CDV3: variants seen among roughly 807,000 people sequenced by gnomAD.
The protein encoded by CDV3 is CDV3 homolog.
In CDV3, 14 loss-of-function variants were observed where a neutral mutation model predicts 24.5. The observed-to-expected ratio is 0.57, with a 90% CI of 0.38 to 0.89. CDV3 has a LOEUF of 0.89. CDV3 is among the 40% of genes least tolerant of loss of function. CDV3 has a pLI of 0.00. For missense variants in CDV3, 304 were observed against 310.2 expected (o/e 0.98, Z 0.15); for synonymous variants, 114 against 114.1 (o/e 1.00, Z 0.00).
chr3:133,576,041 C>G (rs990915372), intron 2 of CDV3, among the ~76,000 whole-genome samples: 1 of 152,224 alleles, frequency 6.6e-6, no homozygotes, highest in Admixed American at 6.5e-5. Flanking sequence ...CTTTCCTTAA[C>G]TGAAAACTGT....
Position 133,586,723 on chromosome 3 carries a change from G to A in CDV3, c.626+1G>A. Reference sequence around the variant, plus strand: ...CTGCCAAGCATGTAGAAAGCCGGAAGTAAGTACTATAATTAATTGCATTTT... The same window carrying A: ...CTGCCAAGCATGTAGAAAGCCGGAAATAAGTACTATAATTAATTGCATTTT... On this transcript the variant is annotated splice_donor_variant, in intron 4 of 4. Transcript: ENST00000264993. LOFTEE classifies it high-confidence loss of function. 1 of 1,570,146 alleles carries A rather than the reference G, an allele frequency of 6.4e-7. No homozygotes were observed. Among genetic ancestry groups the A allele is most frequent in the Admixed American group, 1.7e-5 (1 of 59,866 alleles).
intron 2 of CDV3, among the ~76,000 whole-genome samples, chr3:133,579,624 C>T (rs1454379511): frequency 1.3e-5 from 2 of 150,368 alleles, no homozygotes; most frequent in African/African-American, 4.9e-5. Flanking sequence ...AGAGTTTTTG[C>T]TTTTGTTACC....
intron 1 of CDV3, chr3:133,574,490 C>G (rs2074725127): frequency 3.0e-6 from 3 of 986,314 alleles, no homozygotes; most frequent in Non-Finnish European, 3.6e-6. Flanking sequence ...AGCCGCCCTT[C>G]CCACCCCGCG....
intron 2 of CDV3, among the ~76,000 whole-genome samples, chr3:133,577,370 T>G (rs1224081758): frequency 6.6e-6 from 1 of 151,894 alleles, no homozygotes; most frequent in African/African-American, 2.4e-5. Context: ...TTTTCTTTTT[T>G]TTTTTTTGAG....
chr3:133,582,053 G>A (rs986070247), intron 2 of CDV3, among the ~76,000 whole-genome samples: 7 of 152,070 alleles, frequency 4.6e-5, no homozygotes, highest in African/African-American at 7.2e-5. Flanking sequence ...AAATGTAGAC[G>A]AGATAAATCT....
Position 133,574,059 on chromosome 3 carries a change from G to A in CDV3, c.15G>A (p.Glu5=). The A allele has an allele frequency of 1.6e-6, 2 of 1,219,308 alleles. No individual in the cohort carries two copies. The highest frequency in any genetic ancestry group is 1.6e-5 in the South Asian group (1 of 61,912). 75.5% of individuals were successfully genotyped at this position (1,219,308 alleles called of 1,614,324 possible). A position where few individuals can be genotyped will look rare whatever the true frequency, so the allele number is the denominator to read the frequency against. ...AGGCCGAGGCCATGGCTGAGACGGA[G>A]GAGCGGAGCCTGGACAACTTCTTTG... MAET[E]ERSLDNFFAK... is the part of the protein sequence containing the mutation. Residue 5 remains glutamate (E), a synonymous_variant, in exon 1 of 5, where the codon GAG becomes GAA. Transcript: ENST00000264993.
Position 133,574,182 on chromosome 3 carries a change from T to G in CDV3, c.138T>G (p.Gly46=), listed in dbSNP as rs938444338. ...GSAGGSSGAA[G]AAGGGAGAGT... ...CCGGCGGAAGCAGTGGAGCCGCGGG[T>G]GCGGCGGGCGGCGGGGCGGGCGCGG... The change falls in exon 1 of 5, where the codon GGT becomes GGG. Residue 46 remains glycine (G), a synonymous_variant. Coordinates refer to ENST00000264993, the MANE Select transcript of CDV3 (RefSeq NM_017548.5). 2 of 1,035,408 alleles carry G rather than the reference T, an allele frequency of 1.9e-6. No homozygotes were observed. The highest frequency in any genetic ancestry group is 2.3e-6 in the Non-Finnish European group (2 of 866,438). 64.1% of individuals were successfully genotyped at this position (1,035,408 alleles called of 1,614,324 possible).
chr3:133,575,898 T>C (rs1325360176), intron 2 of CDV3, among the ~76,000 whole-genome samples: 3 of 152,188 alleles, frequency 2.0e-5, no homozygotes, highest in South Asian at 2.1e-4. Context: ...AATGAAGATA[T>C]GGTTCTGCTG....
chr3:133,574,540 CG>C (rs1313744734), intron 1 of CDV3: 3 of 985,996 alleles, frequency 3.0e-6, no homozygotes, highest in Admixed American at 1.2e-4. Flanking sequence ...CGCCACCCTC[CG>C]GGGGCACTAG....
Position 133,573,767 on chromosome 3 carries a change from A to C in CDV3, c.-278A>C, listed in dbSNP as rs2074696264. 2 of 152,364 alleles carry C rather than the reference A, an allele frequency of 1.3e-5. No homozygotes were observed. The highest frequency in any genetic ancestry group is 1.3e-4 in the Admixed American group (2 of 15,282). 9.4% of individuals were successfully genotyped at this position (152,364 alleles called of 1,614,324 possible). On this transcript the variant is annotated 5_prime_UTR_variant, in exon 1 of 5. Transcript: ENST00000264993. Reference sequence around the variant, plus strand: ...TGCCTTTTCCCCTCAGGTTGTGGGGAGAGCGGAATCCTGCTCCGCCGTCGC... The same window carrying C: ...TGCCTTTTCCCCTCAGGTTGTGGGGCGAGCGGAATCCTGCTCCGCCGTCGC...
In CDV3 at chr3:133,576,830, A is replaced by C. The variant is rs533784699; in HGVS notation, c.317+1715A>C. ...AGCATTTAAGTTCTGTTCAACCTGA[A>C]GGTAGACTAGCTTTTTTTTTTTTTT... On this transcript the variant is annotated intron_variant, in intron 2 of 4. Coordinates refer to ENST00000264993, the MANE Select transcript of CDV3 (RefSeq NM_017548.5). 1.2e-4 allele frequency among the ~76,000 whole-genome samples: 10 copies of C among 83,266 alleles called. No homozygotes were observed. In the Admixed American group the frequency reaches 1.2e-3, roughly 10 times the overall value. The allele number at this position is 83,266 out of a possible 152,430, so 54.6% of individuals were successfully genotyped here.
chr3:133,573,973 A>G lies in CDV3; in HGVS notation c.-72A>G, dbSNP rs2107683991. ...CAGCGTGAGCGCAGAGCCGGCCTCG[A>G]CCCCGAGCTCGGAGCCCCGCGGGCC... On this transcript the variant is annotated 5_prime_UTR_variant, in exon 1 of 5. Coordinates refer to ENST00000264993, the MANE Select transcript of CDV3 (RefSeq NM_017548.5). 2.0e-6 allele frequency: 2 copies of G among 1,002,012 alleles called. No individual in the cohort carries two copies. Among genetic ancestry groups the G allele is most frequent in the East Asian group, 2.0e-4 (2 of 9,892 alleles). 62.1% of individuals were successfully genotyped at this position (1,002,012 alleles called of 1,614,324 possible).
chr3:133,583,880 G>A (rs1054252928), intron 2 of CDV3, 122 bp from the exon 3 acceptor site: 11 of 689,158 alleles, frequency 1.6e-5, no homozygotes, highest in Admixed American at 3.0e-5. Context: ...TAAATAAGAC[G>A]TTCAGTCTCG....
intron 3 of CDV3, 133 bp downstream of exon 3, chr3:133,584,283 A>G (rs1576654019): frequency 1.6e-6 from 1 of 630,762 alleles, no homozygotes; most frequent in Admixed American, 3.0e-5. Flanking sequence ...GTAGAGTGGG[A>G]TGTGTATATA....
rs141605626 is a variant in CDV3, at chr3:133,580,255, A to G, written c.318-3747A>G. 7.5e-4 allele frequency among the ~76,000 whole-genome samples: 114 copies of G among 152,262 alleles called. 1 individual carries two copies. The highest frequency in any genetic ancestry group is 2.7e-3 in the African/African-American group (113 of 41,564). On this transcript the variant is annotated intron_variant, in intron 2 of 4. Coordinates refer to ENST00000264993, the MANE Select transcript of CDV3 (RefSeq NM_017548.5). Reference sequence around the variant, plus strand: ...CTGTCCTTGTGATATTTTGCTGAGAATGATGGTTTCCAGCTTTATCCATGT... The same window carrying G: ...CTGTCCTTGTGATATTTTGCTGAGAGTGATGGTTTCCAGCTTTATCCATGT...
intron 2 of CDV3, among the ~76,000 whole-genome samples, chr3:133,580,115 C>G (rs761176040): frequency 6.6e-6 from 1 of 151,846 alleles, no homozygotes. Context: ...CGCTATCCCT[C>G]CCCCAGTCCC....
chr3:133,588,315 T>C lies in CDV3; in HGVS notation c.*269T>C. 2 of 1,536,976 alleles carry C rather than the reference T, an allele frequency of 1.3e-6. No homozygotes were observed. The highest frequency in any genetic ancestry group is 1.7e-6 in the Non-Finnish European group (2 of 1,146,856). On this transcript the variant is annotated 3_prime_UTR_variant, in exon 5 of 5. Transcript: ENST00000264993. Reference sequence around the variant, plus strand: ...TCTGCAAATACAAAAAACCAAAACCTGCAGCCAGTGGTCATTTCAAAATCT... The same window carrying C: ...TCTGCAAATACAAAAAACCAAAACCCGCAGCCAGTGGTCATTTCAAAATCT...
chr3:133,574,570 C>T lies in CDV3; in HGVS notation c.240+286C>T, dbSNP rs116707775. ...GCACTAGGTCTGGGGCCGCAGTGCC[C>T]AGCACAGAGCAGCGTTTATCGGGTG... On this transcript the variant is annotated intron_variant, in intron 1 of 4. Coordinates refer to ENST00000264993, the MANE Select transcript of CDV3 (RefSeq NM_017548.5). 1.2e-3 allele frequency: 1,208 copies of T among 988,806 alleles called. 12 individuals carry two copies. In the African/African-American group the frequency reaches 0.02, roughly 16 times the overall value. The allele number at this position is 988,806 out of a possible 1,614,324, so 61.3% of individuals were successfully genotyped here.
chr3:133,577,898 T>A (rs2074875631), intron 2 of CDV3, among the ~76,000 whole-genome samples: 1 of 152,218 alleles, frequency 6.6e-6, no homozygotes, highest in South Asian at 2.1e-4. Flanking sequence ...ATAGACAGAT[T>A]CTTGAGAGGG....
Sources: gnomAD v4.1 joint callset for allele counts (sites outside exome capture counted in the v4.1 genomes callset) on GRCh38, gnomAD v4.1.1 for gene constraint, MANE v1.5 for transcripts, NCBI Gene and HGNC (gene_info 2026-07-23, HGNC 2026-07-21) for gene names.